Variants in CDK19 observed in about 807,000 individuals in gnomAD.
The protein encoded by CDK19 is cyclin dependent kinase 19.
Under a neutral mutation model 68.3 loss-of-function variants are expected in CDK19, and 20 were observed. The observed-to-expected ratio is 0.29, with a 90% CI of 0.21 to 0.43. CDK19 has a LOEUF of 0.43. Ranked by LOEUF, CDK19 falls within the 20% of genes least tolerant of loss-of-function variation. The pLI is 1.00. For missense variants in CDK19, 339 were observed against 623.5 expected (o/e 0.54, Z 4.86); for synonymous variants, 221 against 222.8 (o/e 0.99, Z 0.07).
chr6:110,670,618 A>G (rs1770914200), intron 2 of CDK19, 77 bp from the exon 3 acceptor site: 2 of 867,348 alleles, frequency 2.3e-6, no homozygotes, highest in South Asian at 2.9e-5. Context: ...ATAACTTCAA[A>G]ACGAAATTTC....
chr6:110,716,058 G>A (rs991864799), intron 2 of CDK19, among the ~76,000 whole-genome samples: 6 of 82,570 alleles, frequency 7.3e-5, no homozygotes, highest in Non-Finnish European at 1.0e-4. Context: ...GGCTCATTAA[G>A]AGGAATCACA....
At chr6:110,649,524 T>A (rs1473551118) in intron 4 of CDK19, among the ~76,000 whole-genome samples, 2 of 152,152 alleles carry the variant, frequency 1.3e-5, no homozygotes, top group African/African-American at 4.8e-5. Flanking sequence ...TTGGCTGTAT[T>A]AAAATAACTT....
At chr6:110,798,646 A>G (rs531525101) in intron 1 of CDK19, among the ~76,000 whole-genome samples, 3,500 of 148,590 alleles carry the variant, frequency 0.024, 105 homozygotes, top group African/African-American at 0.086. Flanking sequence ...AAAAAAAAAA[A>G]AAAGAAAGAA....
chr6:110,780,767 C>T (rs895636467), intron 1 of CDK19, among the ~76,000 whole-genome samples: 2 of 151,976 alleles, frequency 1.3e-5, no homozygotes, highest in Non-Finnish European at 2.9e-5. Context: ...TTCCAAGGTA[C>T]TATGAGTGCA....
At chr6:110,618,195 G>A (rs1488720220) in intron 12 of CDK19, among the ~76,000 whole-genome samples, 4 of 152,046 alleles carry the variant, frequency 2.6e-5, no homozygotes, top group Middle Eastern at 3.4e-3. Flanking sequence ...GTGCAGTGGC[G>A]CGATCTCGGC....
intron 4 of CDK19, among the ~76,000 whole-genome samples, chr6:110,661,862 T>C (rs1294840199): frequency 6.6e-6 from 1 of 152,268 alleles, no homozygotes; most frequent in African/African-American, 2.4e-5. Context: ...TGTTTGCAGA[T>C]CATATACTTA....
intron 2 of CDK19, among the ~76,000 whole-genome samples, chr6:110,735,518 G>A (rs1777184196): frequency 6.6e-6 from 1 of 152,040 alleles, no homozygotes; most frequent in Non-Finnish European, 1.5e-5. Context: ...AAGTCATAGT[G>A]AATCTATGCC....
rs187656248 is a variant in CDK19, at chr6:110,714,463, T to C, written c.204+31663A>G. Among the ~76,000 whole-genome samples the C allele has an allele frequency of 1.7e-3, 265 of 152,316 alleles. 1 individual carries two copies. Among genetic ancestry groups the C allele is most frequent in the African/African-American group, 6.2e-3 (258 of 41,572 alleles). On this transcript the variant is annotated intron_variant, in intron 2 of 12. Transcript: ENST00000368911. The stretch of plus-strand genomic sequence containing the variant: ...AACTCCTGGGTCATATGGTAACTTT[T>C]TGAGGAACCACCAAAATGTTTTCTA...
At chr6:110,723,097 G>C (rs1306336217) in intron 2 of CDK19, among the ~76,000 whole-genome samples, 3 of 143,496 alleles carry the variant, frequency 2.1e-5, no homozygotes, top group African/African-American at 7.9e-5. Flanking sequence ...CCAATAGAAG[G>C]CTGTGGAAAT....
At chr6:110,631,979 T>C in intron 6 of CDK19, 51 bp downstream of exon 6, 1 of 1,515,678 alleles carries the variant, frequency 6.6e-7, no homozygotes, top group South Asian at 1.2e-5. Context: ...TACCATTTTA[T>C]ATTTATGATC....
chr6:110,778,966 C>T (rs1367678858), intron 1 of CDK19, among the ~76,000 whole-genome samples: 4 of 152,078 alleles, frequency 2.6e-5, no homozygotes, highest in Non-Finnish European at 5.9e-5. Context: ...CTTTGATGAT[C>T]CTACAGTCAT....
chr6:110,759,404 TA>T (rs1157889434), intron 1 of CDK19, among the ~76,000 whole-genome samples: 819 of 56,910 alleles, frequency 0.014, 3 homozygotes, highest in South Asian at 0.033. Context: ...GACTCCGTCT[TA>T]AAAAAAAAAA....
At chr6:110,771,041 G>A (rs1280260727) in intron 1 of CDK19, among the ~76,000 whole-genome samples, 5 of 152,084 alleles carry the variant, frequency 3.3e-5, no homozygotes, top group Admixed American at 2.6e-4. Flanking sequence ...CTACTTTCAC[G>A]GGCTGGTGTT....
At chr6:110,743,793 C>A (rs1467815420) in intron 2 of CDK19, among the ~76,000 whole-genome samples, 2 of 152,134 alleles carry the variant, frequency 1.3e-5, no homozygotes, top group African/African-American at 4.8e-5. Flanking sequence ...TGAGTTATCA[C>A]TTCCTATTAA....
intron 12 of CDK19, among the ~76,000 whole-genome samples, chr6:110,620,674 C>T (rs957169522): frequency 6.6e-6 from 1 of 152,102 alleles, no homozygotes; most frequent in African/African-American, 2.4e-5. Context: ...AGTCTTAGCC[C>T]CCTTCTCTTC....
At chr6:110,714,152 C>T (rs1298879973) in intron 2 of CDK19, among the ~76,000 whole-genome samples, 1 of 152,202 alleles carries the variant, frequency 6.6e-6, no homozygotes, top group African/African-American at 2.4e-5. Flanking sequence ...GATTTGCTTA[C>T]TCTGGACATT....
chr6:110,725,491 T>A (rs1776252566), intron 2 of CDK19, among the ~76,000 whole-genome samples: 1 of 152,078 alleles, frequency 6.6e-6, no homozygotes, highest in African/African-American at 2.4e-5. Flanking sequence ...ATAATTTAAA[T>A]GCAAAAAGAT....
chr6:110,628,204 C>A (rs924059726), intron 6 of CDK19, among the ~76,000 whole-genome samples: 1 of 151,922 alleles, frequency 6.6e-6, no homozygotes, highest in African/African-American at 2.4e-5. Context: ...GAGTGAAACA[C>A]CATCTTGGAA....
chr6:110,790,572 G>A (rs1281306925), intron 1 of CDK19, among the ~76,000 whole-genome samples: 2 of 151,764 alleles, frequency 1.3e-5, no homozygotes, highest in East Asian at 1.9e-4. Flanking sequence ...AAATTATATA[G>A]GTTATTAAAA....
Sources: allele counts gnomAD v4.1 joint callset (sites outside exome capture counted in the v4.1 genomes callset), GRCh38; gene constraint gnomAD v4.1.1; transcripts MANE v1.5; gene names NCBI Gene and HGNC (gene_info 2026-07-23, HGNC 2026-07-21).